PDE4DIP: variants seen among roughly 807,000 people sequenced by gnomAD.
The protein encoded by PDE4DIP is myomegalin.
In PDE4DIP, 59 loss-of-function variants were observed where a neutral mutation model predicts 221.4. The observed-to-expected ratio is 0.27, with a 90% confidence interval of 0.22 to 0.33. The LOEUF is 0.33. Among genes scored for constraint, PDE4DIP ranks in the 10% least tolerant of loss-of-function variants. PDE4DIP has a pLI of 1.00. For missense variants in PDE4DIP, 1,036 were observed against 2,154.2 expected, an observed-to-expected ratio of 0.48 and a Z score of 10.28; for synonymous variants, 404 against 815.9, an observed-to-expected ratio of 0.50 and a Z score of 8.60.
At chr1:149,022,479 G>A (rs587718649) in intron 37 of PDE4DIP, among the ~76,000 whole-genome samples, 27 of 152,308 alleles carry the variant, frequency 1.8e-4, no homozygotes, top group Non-Finnish European at 3.2e-4. Context: ...GTGGAAGTTA[G>A]ATTAGAATTA....
intron 1 of PDE4DIP, among the ~76,000 whole-genome samples, chr1:148,919,485 C>T (rs1300307764): frequency 6.6e-6 from 1 of 151,384 alleles, no homozygotes; most frequent in Non-Finnish European, 1.5e-5. Context: ...TTCTGGGGAT[C>T]CTGCAATGAC....
At chr1:148,824,426 T>C (rs1160401506) in intron 1 of PDE4DIP, among the ~76,000 whole-genome samples, 2 of 142,672 alleles carry the variant, frequency 1.4e-5, no homozygotes, top group East Asian at 3.9e-4. Context: ...TAAAAAATAA[T>C]CTAATCTCGG....
intron 17 of PDE4DIP, among the ~76,000 whole-genome samples, chr1:148,975,676 C>T (rs1248739974): frequency 6.6e-6 from 1 of 152,046 alleles, no homozygotes; most frequent in Non-Finnish European, 1.5e-5. Flanking sequence ...CAGCTAGTTG[C>T]ATATTCAACT....
At chr1:148,980,638 A>T (rs1483396303) in intron 20 of PDE4DIP, among the ~76,000 whole-genome samples, 14 of 151,214 alleles carry the variant, frequency 9.3e-5, no homozygotes, top group Non-Finnish European at 1.9e-4. Context: ...TTCTTTTTCA[A>T]TTTTTATTAT....
intron 17 of PDE4DIP, among the ~76,000 whole-genome samples, chr1:148,977,687 C>T (rs1380158966): frequency 6.6e-6 from 1 of 152,152 alleles, no homozygotes; most frequent in Non-Finnish European, 1.5e-5. Context: ...TCATAATAAG[C>T]TTGTTAAACA....
chr1:148,865,455 G>A (rs376840725), intron 2 of PDE4DIP, among the ~76,000 whole-genome samples: 10 of 109,380 alleles, frequency 9.1e-5, no homozygotes, highest in Non-Finnish European at 1.7e-4. Context: ...CAAAACAGGG[G>A]CAATATCATC....
At chr1:148,954,152 A>G (rs1477338814) in intron 5 of PDE4DIP, among the ~76,000 whole-genome samples, 1 of 152,178 alleles carries the variant, frequency 6.6e-6, no homozygotes, top group Non-Finnish European at 1.5e-5. Context: ...ATACCTTTTA[A>G]AACAAAAAGG....
At chr1:148,955,259 T>C (rs2054948630) in intron 5 of PDE4DIP, among the ~76,000 whole-genome samples, 1 of 152,274 alleles carries the variant, frequency 6.6e-6, no homozygotes, top group African/African-American at 2.4e-5. Context: ...GTGTTACAAA[T>C]TAAACATGGT....
At chr1:148,866,627 AGGGG>A (rs1200781503) in intron 2 of PDE4DIP, 5 of 27,694 alleles carry the variant, frequency 1.8e-4, no homozygotes, top group Non-Finnish European at 3.3e-4. Flanking sequence ...GGAGGGAGGG[AGGGG>A]GAAGGGAGGG....
At chr1:149,030,046 G>A (rs833193) in intron 42 of PDE4DIP, 121 bp downstream of exon 45, 143,718 of 909,974 alleles carry the variant, frequency 0.16, 10,151 homozygotes, top group Non-Finnish European at 0.17. Flanking sequence ...CTGATTTGAT[G>A]TCCCCAAACC....
rs1237989944 is a variant in PDE4DIP, at chr1:148,818,332, T to G, written c.233+9595T>G. Among the ~76,000 whole-genome samples, 26 of 92,128 alleles carry G rather than the reference T, an allele frequency of 2.8e-4. 5 individuals carry two copies. The highest frequency in any genetic ancestry group is 5.0e-4 in the Admixed American group (5 of 10,052). The allele number at this position is 92,128 out of a possible 152,430, so 60.4% of individuals were successfully genotyped here. Reference sequence around the variant, plus strand: ...AACATTTTACATATTGGGTGTTAGATAGTTTTGCATTCCCATAAACATTAT... The same window carrying G: ...AACATTTTACATATTGGGTGTTAGAGAGTTTTGCATTCCCATAAACATTAT... On this transcript the variant is annotated intron_variant, in intron 1 of 45. Transcript: ENST00000524974.
At chr1:148,946,275 G>A (rs768465066) in intron 5 of PDE4DIP, among the ~76,000 whole-genome samples, 17 of 142,724 alleles carry the variant, frequency 1.2e-4, no homozygotes, top group East Asian at 6.5e-4. Flanking sequence ...AGGGCCAGGC[G>A]CGGTGGCTCA....
chr1:148,959,038 C>A (rs1276873282), intron 5 of PDE4DIP, among the ~76,000 whole-genome samples: 1 of 151,696 alleles, frequency 6.6e-6, no homozygotes, highest in African/African-American at 2.4e-5. Context: ...TTTCTCTGAT[C>A]AAACAATTTA....
At chr1:149,015,780 C>A (rs1483130255) in intron 32 of PDE4DIP, among the ~76,000 whole-genome samples, 1 of 151,912 alleles carries the variant, frequency 6.6e-6, no homozygotes, top group Non-Finnish European at 1.5e-5. Context: ...TCTGGAGGAA[C>A]TAGGGCCACC....
At chr1:148,931,683 T>G (rs2048031367) in intron 2 of PDE4DIP, 117 bp from the exon 6 acceptor site, 6 of 942,176 alleles carry the variant, frequency 6.4e-6, no homozygotes, top group Non-Finnish European at 8.6e-6. Flanking sequence ...GGTGGAAATA[T>G]AAACCAGTTC....
chr1:148,828,890 A>AAC (rs1255239032), intron 1 of PDE4DIP, among the ~76,000 whole-genome samples: 1 of 151,104 alleles, frequency 6.6e-6, no homozygotes, highest in Non-Finnish European at 1.5e-5. Context: ...GATCTGAATA[A>AAC]ACACACACAC....
intron 23 of PDE4DIP, among the ~76,000 whole-genome samples, chr1:149,000,546 T>C (rs1170917107): frequency 1.3e-5 from 2 of 148,640 alleles, no homozygotes; most frequent in Non-Finnish European, 3.0e-5. Context: ...AGAGTGAGAC[T>C]CTGTCTCAAA....
At chr1:148,981,118 C>G (rs2061004315) in intron 20 of PDE4DIP, 152 bp from the exon 24 acceptor site, 1 of 709,074 alleles carries the variant, frequency 1.4e-6, no homozygotes, top group African/African-American at 1.8e-5. Flanking sequence ...AAATGCCACA[C>G]AAAGACTACA....
intron 2 of PDE4DIP, among the ~76,000 whole-genome samples, chr1:148,865,445 C>CA (rs1686224334): frequency 9.4e-6 from 1 of 106,434 alleles, no homozygotes; most frequent in Admixed American, 9.4e-5. Flanking sequence ...AGAATATCAC[C>CA]AAAACAGGGG....
Sources: allele counts gnomAD v4.1 joint callset (sites outside exome capture counted in the v4.1 genomes callset), GRCh38; gene constraint gnomAD v4.1.1; transcripts MANE v1.5; gene names NCBI Gene and HGNC (gene_info 2026-07-23, HGNC 2026-07-21).